RPRD2: variants seen among roughly 807,000 people sequenced by gnomAD.
RPRD2 encodes the protein regulation of nuclear pre-mRNA domain containing 2, also known as regulation of nuclear pre-mRNA domain-containing protein 2.
A neutral mutation model predicts 104.4 loss-of-function variants in RPRD2; 12 were observed. That is an observed-to-expected ratio of 0.11 (90% CI 0.07 to 0.19). RPRD2 has a LOEUF of 0.19. Among genes scored for constraint, RPRD2 ranks in the 10% least tolerant of loss-of-function variants. The pLI is 1.00. For synonymous variants in RPRD2, 714 were observed against 684.9 expected (o/e 1.04, Z -0.66); for missense variants, 1,543 against 1,790.1 (o/e 0.86, Z 2.49).
chr1:150,407,578 T>C lies in RPRD2; in HGVS notation c.206-10018T>C, dbSNP rs181836978. ...AACAGTTTGAATGATAATGTACTCATCCTCACATAGTGGTGGAGGAGTATG... is the reference window on the plus strand; with the variant it reads ...AACAGTTTGAATGATAATGTACTCACCCTCACATAGTGGTGGAGGAGTATG... On this transcript the variant is annotated intron_variant, in intron 1 of 10. Coordinates refer to ENST00000369068, the MANE Select transcript of RPRD2 (RefSeq NM_015203.5). 1.8e-3 allele frequency among the ~76,000 whole-genome samples: 271 copies of C among 152,316 alleles called. 1 individual carries two copies. Among genetic ancestry groups the C allele is most frequent in the African/African-American group, 6.2e-3 (258 of 41,578 alleles).
intron 1 of RPRD2, among the ~76,000 whole-genome samples, chr1:150,410,950 C>T (rs1442292153): frequency 6.6e-6 from 1 of 152,146 alleles, no homozygotes; most frequent in Non-Finnish European, 1.5e-5. Flanking sequence ...GCACCCTCAG[C>T]CTCGCAGGCT....
chr1:150,468,925 G>A (rs1441694465), intron 10 of RPRD2, among the ~76,000 whole-genome samples: 2 of 142,200 alleles, frequency 1.4e-5, no homozygotes, highest in African/African-American at 5.5e-5. Context: ...ATGTGGCTAG[G>A]GAACTTTTTT....
chr1:150,402,123 T>A lies in RPRD2; in HGVS notation c.206-15473T>A, dbSNP rs587694409. Among the ~76,000 whole-genome samples, 3 of 152,010 alleles carry A rather than the reference T, an allele frequency of 2.0e-5. No individual in the cohort carries two copies. In the South Asian group the frequency reaches 6.3e-4, roughly 32 times the overall value. On this transcript the variant is annotated intron_variant, in intron 1 of 10. Coordinates refer to ENST00000369068, the MANE Select transcript of RPRD2 (RefSeq NM_015203.5). ...ACAGACTCCCACCACCACACCCAGC[T>A]AATTTTTTGTATTTTTAGTAGAGAC...
Position 150,472,844 on chromosome 1 carries a change from T to G in RPRD2, c.3896T>G (p.Val1299Gly). The G allele has an allele frequency of 6.2e-7, 1 of 1,612,500 alleles. No homozygotes were observed. The highest frequency in any genetic ancestry group is 8.5e-7 in the Non-Finnish European group (1 of 1,179,032). The change falls in exon 11 of 11, where the codon GTT becomes GGT. Residue 1299 changes from valine (V) to glycine (G), a missense_variant. Physicochemically the swap from Val to Gly is moderately radical, Grantham distance 109. Coordinates refer to ENST00000369068, the MANE Select transcript of RPRD2 (RefSeq NM_015203.5). ...ACTCCACCCCCTCCTCCACCCCCTGTTGACCACTCTGGAGTTGTACCCTTC... is the reference window on the plus strand; with the variant it reads ...ACTCCACCCCCTCCTCCACCCCCTGGTGACCACTCTGGAGTTGTACCCTTC... ...FSTPPPPPPP[V>G]DHSGVVPFPA...
intron 2 of RPRD2, among the ~76,000 whole-genome samples, chr1:150,423,754 A>C (rs1162489518): frequency 6.6e-6 from 1 of 152,010 alleles, no homozygotes; most frequent in East Asian, 1.9e-4. Flanking sequence ...ATACTCAGCC[A>C]GTAAGGATAA....
intron 2 of RPRD2, among the ~76,000 whole-genome samples, chr1:150,421,030 A>C (rs1309370651): frequency 6.6e-6 from 1 of 152,164 alleles, no homozygotes; most frequent in Admixed American, 6.6e-5. Flanking sequence ...GAAAGCACCA[A>C]ACAGTACAGA....
intron 1 of RPRD2, among the ~76,000 whole-genome samples, chr1:150,389,483 C>T (rs902656372): frequency 1.2e-4 from 19 of 152,146 alleles, no homozygotes; most frequent in Admixed American, 3.9e-4. Flanking sequence ...AGGAAGACCA[C>T]AGAGGTAAAG....
At chr1:150,365,122 T>G (rs1659735900) in intron 1 of RPRD2, among the ~76,000 whole-genome samples, 1 of 152,230 alleles carries the variant, frequency 6.6e-6, no homozygotes, top group African/African-American at 2.4e-5. Flanking sequence ...CTTGGGTTTT[T>G]TAGCCATTGA....
Position 150,417,232 on chromosome 1 carries a change from A to G in RPRD2, c.206-364A>G, listed in dbSNP as rs1572430786. 5.3e-5 allele frequency among the ~76,000 whole-genome samples: 8 copies of G among 152,134 alleles called. 1 individual carries two copies. The highest frequency in any genetic ancestry group is 1.9e-4 in the African/African-American group (8 of 41,514). ...AATTTTGTTTTATTTTAGCTTCTCC[A>G]GAGTTACTGGGTCTTTTTTTTTAGT... On this transcript the variant is annotated intron_variant, in intron 1 of 10. Transcript: ENST00000369068.
At chr1:150,410,095 G>A (rs904310758) in intron 1 of RPRD2, among the ~76,000 whole-genome samples, 3 of 152,130 alleles carry the variant, frequency 2.0e-5, no homozygotes, top group African/African-American at 7.2e-5. Context: ...GTGAAGCAAG[G>A]ACTCACCCAG....
intron 7 of RPRD2, among the ~76,000 whole-genome samples, chr1:150,450,903 G>A (rs1169659736): frequency 6.6e-6 from 1 of 151,982 alleles, no homozygotes; most frequent in African/African-American, 2.4e-5. Context: ...GAGCCACCGT[G>A]CCCCTCCAGG....
chr1:150,448,235 T>C (rs1217718396), intron 7 of RPRD2, among the ~76,000 whole-genome samples: 2 of 152,144 alleles, frequency 1.3e-5, no homozygotes, highest in East Asian at 3.8e-4. Flanking sequence ...TGGCGCACTC[T>C]TGGCCTCACT....
At chr1:150,382,019 T>C (rs1661171781) in intron 1 of RPRD2, among the ~76,000 whole-genome samples, 2 of 152,212 alleles carry the variant, frequency 1.3e-5, no homozygotes. Context: ...ATGAAGTGTT[T>C]GGCAAACTAC....
chr1:150,460,564 G>A (rs1194898086), intron 9 of RPRD2, among the ~76,000 whole-genome samples: 1 of 151,746 alleles, frequency 6.6e-6, no homozygotes, highest in Non-Finnish European at 1.5e-5. Context: ...TACCACGCCC[G>A]GCTAATTTTT....
chr1:150,390,586 T>A (rs1329937763), intron 1 of RPRD2, among the ~76,000 whole-genome samples: 7 of 152,118 alleles, frequency 4.6e-5, no homozygotes, highest in Admixed American at 2.6e-4. Flanking sequence ...GGAACAACTC[T>A]TAGACAGTTA....
chr1:150,418,422 C>T (rs1254976607), intron 2 of RPRD2, among the ~76,000 whole-genome samples: 4 of 152,108 alleles, frequency 2.6e-5, no homozygotes, highest in African/African-American at 9.7e-5. Context: ...CATTTCATTT[C>T]TTCTTTCTGA....
At chr1:150,411,887 A>C (rs955086019) in intron 1 of RPRD2, among the ~76,000 whole-genome samples, 1 of 149,010 alleles carries the variant, frequency 6.7e-6, no homozygotes, top group Non-Finnish European at 1.5e-5. Context: ...GCACTTTGGG[A>C]GGCTAAGGTG....
chr1:150,393,465 A>AT (rs1553883576), intron 1 of RPRD2, among the ~76,000 whole-genome samples: 1 of 151,644 alleles, frequency 6.6e-6, no homozygotes, highest in African/African-American at 2.4e-5. Context: ...AAAAAAAAAA[A>AT]AAAAAAAAAA....
At chr1:150,388,449 T>C (rs11582207) in intron 1 of RPRD2, among the ~76,000 whole-genome samples, 2 of 149,156 alleles carry the variant, frequency 1.3e-5, no homozygotes, top group Admixed American at 1.4e-4. Flanking sequence ...TATACACACA[T>C]ATATATGTAT....
Sources: gnomAD v4.1 joint callset for allele counts (sites outside exome capture counted in the v4.1 genomes callset) on GRCh38, gnomAD v4.1.1 for gene constraint, MANE v1.5 for transcripts, NCBI Gene and HGNC (gene_info 2026-07-23, HGNC 2026-07-21) for gene names.